PRH1: variants seen among roughly 807,000 people sequenced by gnomAD.
PRH1 encodes the protein proline rich protein HaeIII subfamily 1, also known as salivary acidic proline-rich phosphoprotein 1/2.
Under a neutral mutation model 7.9 loss-of-function variants are expected in PRH1, and 7 were observed. The ratio of observed to expected loss-of-function variants is 0.89; its 90% confidence interval spans 0.50 to 1.67. PRH1 has a LOEUF of 1.67. Among genes scored for constraint, PRH1 ranks in the 40% most tolerant of loss-of-function variants. The pLI is 0.00. For synonymous variants in PRH1, 45 were observed against 80.8 expected (o/e 0.56, Z 2.38); for missense variants, 109 against 223.6 (o/e 0.49, Z 3.27).
In PRH1 at chr12:10,935,339, TA is replaced by T. The variant is rs561868209; in HGVS notation, c.-59+38315del. Among the ~76,000 whole-genome samples the T allele has an allele frequency of 5.2e-3, 788 of 152,266 alleles. 6 individuals carry two copies. The highest frequency in any genetic ancestry group is 0.018 in the African/African-American group (739 of 41,572). On this transcript the variant is annotated intron_variant, in intron 2 of 3. Transcript: ENST00000539853. ...ATATTTATTAAGCTTATCCTGACATTAAAAAATATTATATATCAAAATATTT... is the reference window on the plus strand; with the variant it reads ...ATATTTATTAAGCTTATCCTGACATTAAAAATATTATATATCAAAATATTT...
At chr12:10,989,300 T>A (rs1939807848) in intron 1 of PRH1, among the ~76,000 whole-genome samples, 1 of 152,228 alleles carries the variant, frequency 6.6e-6, no homozygotes, top group East Asian at 1.9e-4. Context: ...TTCTTTTCAC[T>A]TCTCTATATT....
At position 11,034,184 on chromosome 12, in the gene PRH1, T is replaced by C. The variant is rs550403811; in HGVS notation, c.-126+12836A>G. 2.9e-4 allele frequency among the ~76,000 whole-genome samples: 11 copies of C among 37,346 alleles called. 1 individual carries two copies. Among genetic ancestry groups the C allele is most frequent in the Middle Eastern group, 0.011 (2 of 184 alleles). 24.5% of individuals were successfully genotyped at this position (37,346 alleles called of 152,430 possible). Reference sequence around the variant, plus strand: ...ATTATGTTTCTGAAATTTAGTCACATAGTTGCAAGCACATGTGATTTTTTT... The same window carrying C: ...ATTATGTTTCTGAAATTTAGTCACACAGTTGCAAGCACATGTGATTTTTTT... On this transcript the variant is annotated intron_variant, in intron 1 of 3. Transcript: ENST00000539853.
At chr12:11,041,952 C>CA (rs1286970453) in intron 1 of PRH1, among the ~76,000 whole-genome samples, 1 of 151,818 alleles carries the variant, frequency 6.6e-6, no homozygotes, top group African/African-American at 2.4e-5. Flanking sequence ...CAAAACATAC[C>CA]AAAATCTATG....
intron 2 of PRH1, among the ~76,000 whole-genome samples, chr12:10,943,017 C>T (rs1250419523): frequency 6.6e-6 from 1 of 152,218 alleles, no homozygotes; most frequent in Non-Finnish European, 1.5e-5. Flanking sequence ...ATCTCCCTTT[C>T]CCACTTCTGC....
chr12:10,901,738 G>T (rs1949726992), intron 2 of PRH1, among the ~76,000 whole-genome samples: 1 of 152,012 alleles, frequency 6.6e-6, no homozygotes, highest in Non-Finnish European at 1.5e-5. Context: ...AAGTGCATAA[G>T]GCTATAGAAG....
chr12:10,904,553 A>T (rs979887619), intron 2 of PRH1, among the ~76,000 whole-genome samples: 3 of 152,198 alleles, frequency 2.0e-5, no homozygotes, highest in African/African-American at 7.2e-5. Context: ...ATTTAAATGT[A>T]AGACTTTATA....
chr12:11,030,956 C>A lies in PRH1; in HGVS notation c.-126+16064G>T, dbSNP rs566661407. On this transcript the variant is annotated intron_variant, in intron 1 of 3. Coordinates refer to the PRH1 transcript ENST00000539853. ...CCCCAACAGCATCACCAGAATGACACTCTTAACTCTCCTCTTTAAGTGAAG... is the reference window on the plus strand; with the variant it reads ...CCCCAACAGCATCACCAGAATGACAATCTTAACTCTCCTCTTTAAGTGAAG... 7 of 1,614,284 alleles carry A rather than the reference C, an allele frequency of 4.3e-6. No individual in the cohort carries two copies. In the South Asian group the frequency reaches 4.4e-5, roughly 10 times the overall value.
intron 1 of PRH1, among the ~76,000 whole-genome samples, chr12:11,123,104 T>C (rs1229789512): frequency 6.6e-6 from 1 of 152,250 alleles, no homozygotes; most frequent in African/African-American, 2.4e-5. Flanking sequence ...TCCTTATTCA[T>C]GGCTTCCTGG....
chr12:11,107,498 TC>T (rs1302225283), intron 1 of PRH1, among the ~76,000 whole-genome samples: 1 of 152,152 alleles, frequency 6.6e-6, no homozygotes, highest in Non-Finnish European at 1.5e-5. Flanking sequence ...TTCAGTGCAA[TC>T]CCTATCAAAT....
At chr12:11,060,648 G>C (rs1289348879) in intron 1 of PRH1, among the ~76,000 whole-genome samples, 3 of 151,258 alleles carry the variant, frequency 2.0e-5, no homozygotes, top group Admixed American at 2.0e-4. Context: ...TTATAGAAGA[G>C]ATTGTTTTCT....
At position 10,909,025 on chromosome 12, in the gene PRH1, A is replaced by C. The variant is rs772386135; in HGVS notation, c.-58-24750T>G. On this transcript the variant is annotated intron_variant, in intron 2 of 3. Transcript: ENST00000539853. Reference sequence around the variant, plus strand: ...GCAAGCCAGAGATTGAAGTGATTAGAAACTATCCAGCTAAAAATCATAATT... The same window carrying C: ...GCAAGCCAGAGATTGAAGTGATTAGCAACTATCCAGCTAAAAATCATAATT... The C allele has an allele frequency of 8.7e-6, 14 of 1,613,778 alleles. No homozygotes were observed. The East Asian group carries it at 3.1e-4, about 36-fold the overall frequency.
At chr12:11,105,194 CAA>C (rs1240712296) in intron 1 of PRH1, among the ~76,000 whole-genome samples, 2 of 150,930 alleles carry the variant, frequency 1.3e-5, no homozygotes, top group Admixed American at 1.3e-4. Context: ...TAAAAGGACT[CAA>C]AGAAAAAAAG....
intron 1 of PRH1, among the ~76,000 whole-genome samples, chr12:11,094,449 C>T (rs1211255359): frequency 2.6e-5 from 3 of 113,982 alleles, no homozygotes; most frequent in African/African-American, 8.9e-5. Context: ...TATGTACATC[C>T]TTGTTGTGTC....
chr12:11,089,481 C>T (rs1196735120), intron 1 of PRH1, among the ~76,000 whole-genome samples: 1 of 21,618 alleles, frequency 4.6e-5, no homozygotes, highest in African/African-American at 7.0e-5. Context: ...TCTCTCACCT[C>T]ACTGTGAAGT....
chr12:11,130,320 A>C (rs2708350), intron 1 of PRH1, among the ~76,000 whole-genome samples: 10 of 151,856 alleles, frequency 6.6e-5, no homozygotes, highest in Non-Finnish European at 1.2e-4. Flanking sequence ...TAAGGTTTTT[A>C]GTGTCCCTAG....
At chr12:11,011,727 C>T (rs1433682602) in intron 1 of PRH1, among the ~76,000 whole-genome samples, 1 of 152,088 alleles carries the variant, frequency 6.6e-6, no homozygotes, top group Non-Finnish European at 1.5e-5. Flanking sequence ...TATTAAAAGA[C>T]TCCAAGGTTT....
chr12:11,006,371 CTTTTTTTTTT>C (rs199571634), intron 1 of PRH1: 1 of 123,208 alleles, frequency 8.1e-6, no homozygotes, highest in Non-Finnish European at 1.7e-5. Flanking sequence ...TTCTCCTTTT[CTTTTTTTTTT>C]TTTTTTTTTC....
At chr12:11,025,813 G>C (rs781279721) in intron 1 of PRH1, among the ~76,000 whole-genome samples, 5 of 152,218 alleles carry the variant, frequency 3.3e-5, no homozygotes, top group Non-Finnish European at 7.3e-5. Flanking sequence ...CTGTCTATTG[G>C]ATTCTCAATA....
At chr12:11,010,081 T>C (rs572227198) in intron 1 of PRH1, among the ~76,000 whole-genome samples, 1 of 152,134 alleles carries the variant, frequency 6.6e-6, no homozygotes, top group South Asian at 2.1e-4. Context: ...TCTTATAGCC[T>C]TCAATGGATT....
Sources: gnomAD v4.1 joint callset for allele counts (sites outside exome capture counted in the v4.1 genomes callset) on GRCh38, gnomAD v4.1.1 for gene constraint, MANE v1.5 for transcripts, NCBI Gene and HGNC (gene_info 2026-07-23, HGNC 2026-07-21) for gene names.